DYNC1I1: variants seen among roughly 807,000 people sequenced by gnomAD.
The protein encoded by DYNC1I1 is cytoplasmic dynein 1 intermediate chain 1.
Under a neutral mutation model 86.6 loss-of-function variants are expected in DYNC1I1, and 43 were observed. The ratio of observed to expected loss-of-function variants is 0.50; its 90% CI spans 0.39 to 0.64. The LOEUF is 0.64. Among genes scored for constraint, DYNC1I1 ranks in the 30% least tolerant of loss-of-function variants. The pLI, the probability that DYNC1I1 is intolerant of heterozygous loss-of-function variation, is 0.00. For synonymous variants in DYNC1I1, 262 were observed against 283.7 expected, an observed-to-expected ratio of 0.92 and a Z score of 0.77; for missense variants, 604 against 788.8, an observed-to-expected ratio of 0.77 and a Z score of 2.81.
intron 6 of DYNC1I1, among the ~76,000 whole-genome samples, chr7:95,893,401 C>T (rs566842840): frequency 1.6e-4 from 25 of 152,258 alleles, no homozygotes; most frequent in African/African-American, 5.8e-4. Context: ...ATTTATATAG[C>T]AGAAATGATA....
At position 96,039,383 on chromosome 7, in the gene DYNC1I1, T is replaced by G. The variant is rs373873741; in HGVS notation, c.1471T>G (p.Ser491Ala). Residue 491 changes from serine (S) to alanine (A), a missense_variant, in exon 14 of 17, where the codon TCA becomes GCA. Ser to Ala is a moderately conservative substitution (Grantham distance 99). Coordinates refer to ENST00000447467, the MANE Select transcript of DYNC1I1 (RefSeq NM_001135556.2). ...CGACTTTTCTCACCTGTTTGTCACA[T>G]CATCATTTGACTGGACTGTCAAACT... is the stretch of plus-strand genomic sequence containing the variant. ...PIDFSHLFVTSSFDWTVKLWT... is the reference protein window; with the variant it reads ...PIDFSHLFVTASFDWTVKLWT... The G allele has an allele frequency of 9.9e-6, 16 of 1,614,088 alleles. No individual in the cohort carries two copies. Among genetic ancestry groups the G allele is most frequent in the Non-Finnish European group, 1.4e-5 (16 of 1,179,966 alleles).
chr7:96,107,806 G>A (rs889482491), intron 16 of DYNC1I1, among the ~76,000 whole-genome samples: 19 of 151,318 alleles, frequency 1.3e-4, no homozygotes, highest in Admixed American at 5.3e-4. Flanking sequence ...GATTACAGGC[G>A]TGAGCCACCA....
At chr7:95,968,824 CTGTG>C (rs56022930) in intron 6 of DYNC1I1, among the ~76,000 whole-genome samples, 5,729 of 94,248 alleles carry the variant, frequency 0.061, 146 homozygotes, top group Middle Eastern at 0.11. Flanking sequence ...ATTTTTTGCT[CTGTG>C]TGTGTGTGTG....
intron 5 of DYNC1I1, among the ~76,000 whole-genome samples, chr7:95,846,909 C>G (rs1157298415): frequency 6.6e-6 from 1 of 152,136 alleles, no homozygotes; most frequent in Non-Finnish European, 1.5e-5. Flanking sequence ...TTCTATAGAT[C>G]CAACATTTTC....
intron 14 of DYNC1I1, among the ~76,000 whole-genome samples, chr7:96,061,129 C>T (rs763043834): frequency 5.9e-5 from 9 of 152,116 alleles, no homozygotes; most frequent in East Asian, 1.9e-4. Context: ...GACCAGAATG[C>T]GTTCAGTGTG....
intron 11 of DYNC1I1, among the ~76,000 whole-genome samples, chr7:96,031,327 T>C (rs1242529817): frequency 6.6e-6 from 1 of 152,142 alleles, no homozygotes; most frequent in Non-Finnish European, 1.5e-5. Flanking sequence ...ACAGTCTGGG[T>C]AAGAAAAGAT....
intron 6 of DYNC1I1, among the ~76,000 whole-genome samples, chr7:95,931,279 A>T (rs933238609): frequency 3.3e-5 from 5 of 151,844 alleles, no homozygotes; most frequent in African/African-American, 1.2e-4. Context: ...CCGCCTGAGT[A>T]GCTGGAATTA....
At chr7:95,979,690 C>G (rs1793402270) in intron 7 of DYNC1I1, among the ~76,000 whole-genome samples, 1 of 152,130 alleles carries the variant, frequency 6.6e-6, no homozygotes. Context: ...TGTTACTGTG[C>G]TAGGTCTCAG....
intron 14 of DYNC1I1, among the ~76,000 whole-genome samples, chr7:96,071,112 ATTAC>A (rs1293446472): frequency 6.6e-6 from 1 of 152,146 alleles, no homozygotes; most frequent in Non-Finnish European, 1.5e-5. Context: ...GAAGTTTATT[ATTAC>A]TTCCATAATT....
intron 1 of DYNC1I1, among the ~76,000 whole-genome samples, chr7:95,775,302 C>A (rs1793812768): frequency 6.6e-6 from 1 of 152,160 alleles, no homozygotes; most frequent in South Asian, 2.1e-4. Flanking sequence ...GAATACCAAG[C>A]TCTTCTCTTA....
At chr7:95,786,662 G>T (rs921555695) in intron 1 of DYNC1I1, among the ~76,000 whole-genome samples, 22 of 152,108 alleles carry the variant, frequency 1.4e-4, no homozygotes, top group African/African-American at 5.1e-4. Flanking sequence ...TAAAAATTTT[G>T]GTTGATTAGT....
chr7:95,898,773 G>T (rs1790957298), intron 6 of DYNC1I1, among the ~76,000 whole-genome samples: 1 of 152,236 alleles, frequency 6.6e-6, no homozygotes, highest in South Asian at 2.1e-4. Flanking sequence ...TCCAGTTGAG[G>T]CAGGTGAAAG....
At chr7:95,818,473 A>AT (rs10590197) in intron 4 of DYNC1I1, 16,457 of 568,974 alleles carry the variant, frequency 0.029, 19 homozygotes, top group South Asian at 0.035. Flanking sequence ...AGCTGATTTA[A>AT]TTTTTTTTTT....
At chr7:95,936,487 G>A (rs1266242909) in intron 6 of DYNC1I1, among the ~76,000 whole-genome samples, 5 of 151,800 alleles carry the variant, frequency 3.3e-5, no homozygotes, top group Non-Finnish European at 7.4e-5. Context: ...ATCTGTATCT[G>A]GTTTTTAGGT....
In DYNC1I1 at chr7:96,080,421, C is replaced by A; in HGVS notation, c.1709C>A (p.Ala570Asp). Residue 570 changes from alanine (A) to aspartate (D), a missense_variant, in exon 16 of 17, where the codon GCC becomes GAC. Transcript: ENST00000447467. The stretch of plus-strand genomic sequence containing the variant: ...TCCGCCCTAAACCGTGTTCGTTGGG[C>A]CCAAGCTGGCAAAGAAGTTGCTGTT... ...GASALNRVRW[A>D]QAGKEVAVGD... 1 of 1,614,064 alleles carries A rather than the reference C, an allele frequency of 6.2e-7. No homozygotes were observed. The highest frequency in any genetic ancestry group is 8.5e-7 in the Non-Finnish European group (1 of 1,179,960).
intron 14 of DYNC1I1, among the ~76,000 whole-genome samples, chr7:96,057,895 A>G (rs1789630330): frequency 6.6e-6 from 1 of 152,164 alleles, no homozygotes; most frequent in South Asian, 2.1e-4. Flanking sequence ...ATGTATTGTG[A>G]ATTTATTTCC....
chr7:96,039,705 C>G (rs1483809359), intron 14 of DYNC1I1, among the ~76,000 whole-genome samples: 1 of 152,114 alleles, frequency 6.6e-6, no homozygotes, highest in East Asian at 1.9e-4. Context: ...CCAACCCCAT[C>G]CACAACACCC....
At chr7:95,852,163 T>C (rs556221083) in intron 5 of DYNC1I1, among the ~76,000 whole-genome samples, 1 of 152,298 alleles carries the variant, frequency 6.6e-6, no homozygotes, top group Non-Finnish European at 1.5e-5. Context: ...GAGACTTCTT[T>C]ATTACTGATT....
chr7:96,079,415 G>T (rs1442123968), intron 15 of DYNC1I1, among the ~76,000 whole-genome samples: 2 of 151,902 alleles, frequency 1.3e-5, no homozygotes, highest in Non-Finnish European at 2.9e-5. Context: ...CTTGTAAAAG[G>T]CTCAAGAGAT....
Sources: gnomAD v4.1 joint callset for allele counts (sites outside exome capture counted in the v4.1 genomes callset) on GRCh38, gnomAD v4.1.1 for gene constraint, MANE v1.5 for transcripts, NCBI Gene and HGNC (gene_info 2026-07-23, HGNC 2026-07-21) for gene names.